Variants in IRS2 observed in about 807,000 individuals in gnomAD.
The protein encoded by IRS2 is insulin receptor substrate 2.
IRS2 carries 28 observed loss-of-function variants against 70.9 expected under a neutral mutation model. The observed-to-expected ratio is 0.39, with a 90% confidence interval of 0.29 to 0.54. The LOEUF (loss-of-function observed/expected upper bound fraction) is 0.54, where lower values mean the gene tolerates loss of function less well. IRS2 is among the 20% of genes least tolerant of loss of function. The probability of loss-of-function intolerance (pLI) is 0.59; values close to 1 mark genes in which losing one functional copy is unlikely to be tolerated. For missense variants in IRS2, 2,081 were observed against 2,024.1 expected (o/e 1.03, Z -0.54); for synonymous variants, 1,217 against 981.9 (o/e 1.24, Z -4.48).
chr13:109,782,325 G>A lies in IRS2; in HGVS notation c.3729C>T (p.Thr1243=), dbSNP rs756600027. The change falls in exon 1 of 2, where the codon ACC becomes ACT. Residue 1243 remains threonine, a synonymous_variant. Coordinates refer to ENST00000375856, the MANE Select transcript of IRS2 (RefSeq NM_003749.3). ...GSGGSPMRRE[T]SAGFQNGLNY... is the part of the protein sequence containing the mutation. ...TGAGACCATTCTGGAAGCCGGCAGA[G>A]GTCTCTCTGCGCATGGGCGATCCAC... The A allele has an allele frequency of 3.1e-6, 5 of 1,611,686 alleles. No homozygotes were observed. The South Asian group carries it at 3.3e-5, about 11-fold the overall frequency.
Position 109,783,019 on chromosome 13 carries a change from G to C in IRS2, c.3035C>G (p.Ser1012Cys), listed in dbSNP as rs781171890. 7.3e-7 allele frequency: 1 copy of C among 1,364,014 alleles called. No homozygotes were observed. The highest frequency in any genetic ancestry group is 1.8e-5 in the South Asian group (1 of 55,552). 84.5% of individuals were successfully genotyped at this position (1,364,014 alleles called of 1,614,324 possible). A position where few individuals can be genotyped will look rare whatever the true frequency, so the allele number is the denominator to read the frequency against. Residue 1012 changes from serine to cysteine, a missense_variant, in exon 1 of 2, where the codon TCC becomes TGC. Around this residue, in one of 4 missense-constraint regions of IRS2, gnomAD observed 1,615 missense variants for 1,459.5 expected, o/e 1.11. Transcript: ENST00000375856. ...LDGLLSPEASSPYPPLPPRPS... is the reference protein window; with the variant it reads ...LDGLLSPEASCPYPPLPPRPS... Reference sequence around the variant, plus strand: ...ACGCGGGGGCAACGGCGGATACGGGGAGGAGGCCTCGGGGGACAGGAGGCC... The same window carrying C: ...ACGCGGGGGCAACGGCGGATACGGGCAGGAGGCCTCGGGGGACAGGAGGCC...
At chr13:109,774,937 T>C (rs1400366381) in intron 1 of IRS2, among the ~76,000 whole-genome samples, 1 of 152,180 alleles carries the variant, frequency 6.6e-6, no homozygotes, top group Non-Finnish European at 1.5e-5. Flanking sequence ...TCAACTTCAA[T>C]AAGATTCTTT....
chr13:109,774,699 T>C (rs1877531985), intron 1 of IRS2, among the ~76,000 whole-genome samples: 1 of 152,202 alleles, frequency 6.6e-6, no homozygotes, highest in Non-Finnish European at 1.5e-5. Context: ...ATCTGGCCTC[T>C]CCACACTGTA....
rs763296585 is a variant in IRS2 at position 109,785,812 on chromosome 13, T to C, written c.242A>G (p.Lys81Arg). ...CGGCGCGCCTGCCTTGCTCCGCCAC[T>C]TTTTCTCGCTCTCGTAGTACTCGAG... is the stretch of plus-strand genomic sequence containing the variant. Reference protein sequence around the residue: ...PRLEYYESEKKWRSKAGAPKR... With the variant: ...PRLEYYESEKRWRSKAGAPKR... The change falls in exon 1 of 2, where the codon AAG (lysine) becomes AGG (arginine). Residue 81 changes from lysine (K) to arginine (R), a missense_variant. Physicochemically the swap from Lys to Arg is conservative, Grantham distance 26 (BLOSUM62 2). This residue lies in a region of IRS2 where 320 missense variants were observed against 352.9 expected (regional missense o/e 0.91). Coordinates refer to ENST00000375856, the MANE Select transcript of IRS2 (RefSeq NM_003749.3). This position sits in a 1 kb window ranked among gnomAD's most constrained non-coding sequence, Gnocchi z 9.3. 117 of 1,579,628 alleles carry C rather than the reference T, an allele frequency of 7.4e-5. 1 individual carries two copies. Among genetic ancestry groups the C allele is most frequent in the Non-Finnish European group, 1.4e-5 (16 of 1,170,776 alleles).
rs1194519263 is a variant in IRS2, at chr13:109,782,213, T to C, written c.3841A>G (p.Lys1281Glu). 6.2e-6 allele frequency: 10 copies of C among 1,607,262 alleles called. No individual in the cohort carries two copies. The highest frequency in any genetic ancestry group is 8.5e-6 in the Non-Finnish European group (10 of 1,177,108). Residue 1281 changes from lysine to glutamate, a missense_variant, in exon 1 of 2, where the codon AAG (lysine) becomes GAG (glutamate). Around this residue, in one of 4 missense-constraint regions of IRS2, gnomAD observed 1,615 missense variants for 1,459.5 expected, o/e 1.11. Coordinates refer to ENST00000375856, the MANE Select transcript of IRS2 (RefSeq NM_003749.3). ...PPPPLPQPGD[K>E]SSWGRTRSLG... Reference sequence around the variant, plus strand: ...CTTCGGGTCCGGCCCCAGGAGCTCTTGTCTCCCGGCTGAGGAAGCGGCGGC... The same window carrying C: ...CTTCGGGTCCGGCCCCAGGAGCTCTCGTCTCCCGGCTGAGGAAGCGGCGGC...
chr13:109,772,905 C>A (rs1482290392), intron 1 of IRS2, among the ~76,000 whole-genome samples: 1 of 151,866 alleles, frequency 6.6e-6, no homozygotes, highest in Admixed American at 6.6e-5. Context: ...CCTTGTTAGC[C>A]AGGATGGTCT....
At chr13:109,765,256 G>C (rs1203855904) in intron 1 of IRS2, among the ~76,000 whole-genome samples, 1 of 152,216 alleles carries the variant, frequency 6.6e-6, no homozygotes, top group Non-Finnish European at 1.5e-5. Flanking sequence ...TGAAATTTCA[G>C]TAATGCAAAA....
Position 109,783,898 on chromosome 13 carries a change from G to A in IRS2, c.2156C>T (p.Thr719Ile), listed in dbSNP as rs1877817520. The A allele has an allele frequency of 6.5e-7, 1 of 1,546,674 alleles. No homozygotes were observed. The highest frequency in any genetic ancestry group is 8.7e-7 in the Non-Finnish European group (1 of 1,146,594). ...GPAPTSAAGRTFPASGGGYKA... is the reference protein window; with the variant it reads ...GPAPTSAAGRIFPASGGGYKA... ...GTAGCCGCCCCCGCTCGCCGGGAAT[G>A]TCCTGCCCGCCGCAGAGGTGGGTGC... Residue 719 changes from threonine to isoleucine, a missense_variant, in exon 1 of 2, where the codon ACA becomes ATA. Transcript: ENST00000375856.
chr13:109,764,259 A>C (rs1276327309), intron 1 of IRS2, among the ~76,000 whole-genome samples: 1 of 152,160 alleles, frequency 6.6e-6, no homozygotes, highest in Non-Finnish European at 1.5e-5. Context: ...GACTCTCAGG[A>C]TACAGGTGTG....
In IRS2 at chr13:109,754,405, C is replaced by T. The variant is rs376874772; in HGVS notation, c.*1899G>A. On this transcript the variant is annotated 3_prime_UTR_variant, in exon 2 of 2. Coordinates refer to ENST00000375856, the MANE Select transcript of IRS2 (RefSeq NM_003749.3). ...ACGGATAGAGGGCGAGTTAAATATG[C>T]GTCAATACACTGCTTTCAGCAGGGT... is the stretch of plus-strand genomic sequence containing the variant. 27 of 208,764 alleles carry T rather than the reference C, an allele frequency of 1.3e-4. No individual in the cohort carries two copies. The highest frequency in any genetic ancestry group is 2.7e-4 in the African/African-American group (12 of 43,988). 12.9% of individuals were successfully genotyped at this position (208,764 alleles called of 1,614,324 possible).
At chr13:109,773,096 GAAT>G (rs1877493881) in intron 1 of IRS2, among the ~76,000 whole-genome samples, 1 of 152,042 alleles carries the variant, frequency 6.6e-6, no homozygotes, top group African/African-American at 2.4e-5. Context: ...CACGTCATTA[GAAT>G]AATGGCAGCT....
chr13:109,767,879 T>C (rs1024183408), intron 1 of IRS2, among the ~76,000 whole-genome samples: 1 of 152,178 alleles, frequency 6.6e-6, no homozygotes, highest in East Asian at 1.9e-4. Flanking sequence ...ACTACAGGCA[T>C]GCGCCACCAC....
In IRS2 at chr13:109,784,519, G is replaced by A; in HGVS notation, c.1535C>T (p.Ala512Val). The A allele has an allele frequency of 6.5e-7, 1 of 1,537,092 alleles. No individual in the cohort carries two copies. Among genetic ancestry groups the A allele is most frequent in the Non-Finnish European group, 8.7e-7 (1 of 1,144,006 alleles). Reference protein sequence around the residue: ...EYGSSPGDLRAFCSHRSNTPE... With the variant: ...EYGSSPGDLRVFCSHRSNTPE... ...CGTGTTGCTTCGGTGGCTGCAGAAG[G>A]CGCGCAGGTCGCCTGGGCTGGAGCC... is the stretch of plus-strand genomic sequence containing the variant. Residue 512 changes from alanine (A) to valine (V), a missense_variant, in exon 1 of 2, where the codon GCC becomes GTC. Physicochemically the swap from Ala to Val is moderately conservative, Grantham distance 64. Around this residue, in one of 4 missense-constraint regions of IRS2, gnomAD observed 1,615 missense variants for 1,459.5 expected, o/e 1.11. Coordinates refer to ENST00000375856, the MANE Select transcript of IRS2 (RefSeq NM_003749.3). This position sits in a 1 kb window ranked among gnomAD's most constrained non-coding sequence, Gnocchi z 5.2.
intron 1 of IRS2, among the ~76,000 whole-genome samples, chr13:109,760,590 T>C (rs1877204438): frequency 6.6e-6 from 1 of 152,252 alleles, no homozygotes; most frequent in South Asian, 2.1e-4. Flanking sequence ...CTGTCGCTTG[T>C]GACAGATGAC....
In IRS2 at chr13:109,755,233, G is replaced by GTT. The variant is rs57032199; in HGVS notation, c.*1069_*1070dup. On this transcript the variant is annotated 3_prime_UTR_variant, in exon 2 of 2. Coordinates refer to ENST00000375856, the MANE Select transcript of IRS2 (RefSeq NM_003749.3). Reference sequence around the variant, plus strand: ...TCTTTCCTTTTTTTTTTTTCTTTTTGTTTTTTTTGTTCAGGGCAGCCTCAC... The same window carrying GTT: ...TCTTTCCTTTTTTTTTTTTCTTTTTGTTTTTTTTTTGTTCAGGGCAGCCTCAC... 1.4e-3 allele frequency: 297 copies of GTT among 206,420 alleles called. No individual in the cohort carries two copies. The highest frequency in any genetic ancestry group is 2.8e-3 in the Middle Eastern group (2 of 710). 12.8% of individuals were successfully genotyped at this position (206,420 alleles called of 1,614,324 possible).
At chr13:109,761,317 A>G (rs1045878453) in intron 1 of IRS2, among the ~76,000 whole-genome samples, 1 of 152,252 alleles carries the variant, frequency 6.6e-6, no homozygotes, top group East Asian at 1.9e-4. Flanking sequence ...GAGTGTTACA[A>G]ATACTGATGT....
At chr13:109,779,783 G>A (rs115220486) in intron 1 of IRS2, among the ~76,000 whole-genome samples, 2,012 of 152,252 alleles carry the variant, frequency 0.013, 55 homozygotes, top group African/African-American at 0.046. Context: ...AGCAGCCCCA[G>A]TGATCTCTCA....
rs1433507850 is a variant in IRS2 at position 109,784,728 on chromosome 13, G to A, written c.1326C>T (p.Ala442=). 1.6e-6 allele frequency: 2 copies of A among 1,232,906 alleles called. No homozygotes were observed. Among genetic ancestry groups the A allele is most frequent in the Admixed American group, 4.4e-5 (1 of 22,926 alleles). 76.4% of individuals were successfully genotyped at this position (1,232,906 alleles called of 1,614,324 possible). The change falls in exon 1 of 2, where the codon GCC becomes GCT. Residue 442 remains alanine (A), a synonymous_variant. Coordinates refer to ENST00000375856, the MANE Select transcript of IRS2 (RefSeq NM_003749.3). The surrounding 1 kb of genome is among the most constrained non-coding windows in gnomAD (Gnocchi z 5.2). ...SMPVAHSPPA[A]TSPGSLSSSS... Reference sequence around the variant, plus strand: ...TGGACGACAGGGAGCCGGGGCTGGTGGCGGCGGGCGGCGAGTGCGCCACGG... The same window carrying A: ...TGGACGACAGGGAGCCGGGGCTGGTAGCGGCGGGCGGCGAGTGCGCCACGG...
At chr13:109,760,927 G>A (rs1877211691) in intron 1 of IRS2, among the ~76,000 whole-genome samples, 1 of 152,208 alleles carries the variant, frequency 6.6e-6, no homozygotes, top group Admixed American at 6.5e-5. Context: ...ACTGAAGTGG[G>A]CATCAAGCCT....
Sources: gnomAD v4.1 joint callset for allele counts (sites outside exome capture counted in the v4.1 genomes callset) on GRCh38, gnomAD v4.1.1 for gene constraint, gnomAD v4.1.1 regional missense constraint, Gnocchi (gnomAD v3.1) non-coding constraint, MANE v1.5 for transcripts, NCBI Gene and HGNC (gene_info 2026-07-23, HGNC 2026-07-21) for gene names.